RBFOX3: variants seen among roughly 807,000 people sequenced by gnomAD.
RBFOX3 encodes RNA binding fox-1 homolog 3.
A neutral mutation model predicts 48.7 loss-of-function variants in RBFOX3; 17 were observed. The observed-to-expected ratio is 0.35, with a 90% CI of 0.24 to 0.52. The LOEUF is 0.52. Ranked by LOEUF, RBFOX3 falls within the 20% of genes least tolerant of loss-of-function variation. The probability of loss-of-function intolerance (pLI) is 0.94; values close to 1 mark genes in which losing one functional copy is unlikely to be tolerated. For synonymous variants in RBFOX3, 212 were observed against 209.5 expected (o/e 1.01, Z -0.10); for missense variants, 382 against 497.5 (o/e 0.77, Z 2.21).
the RBFOX3 span, among the ~76,000 whole-genome samples, chr17:79,661,723 T>A: frequency 6.6e-6 from 1 of 152,246 alleles, no homozygotes; most frequent in African/African-American, 2.4e-5. Context: ...ACCAGCAATA[T>A]AGGGATGCCC....
intron 2 of RBFOX3, among the ~76,000 whole-genome samples, chr17:79,451,340 AC>A (rs1168604452): frequency 6.6e-6 from 1 of 152,216 alleles, no homozygotes; most frequent in Admixed American, 6.5e-5. Flanking sequence ...GGTGACAATC[AC>A]AGGCAAAGAC....
chr17:79,199,722 T>G lies in RBFOX3; in HGVS notation c.-34+36044A>C, dbSNP rs978056890. 1.3e-5 allele frequency among the ~76,000 whole-genome samples: 2 copies of G among 152,220 alleles called. No individual in the cohort carries two copies. Among genetic ancestry groups the G allele is most frequent in the African/African-American group, 4.8e-5 (2 of 41,456 alleles). The stretch of plus-strand genomic sequence containing the variant: ...CACACATGGCTCCTGGTGACCATAT[T>G]GACACAGATATGACATTGCTGCTGC... On this transcript the variant is annotated intron_variant, in intron 4 of 14. Coordinates refer to ENST00000693108, the MANE Select transcript of RBFOX3 (RefSeq NM_001350451.2). This position sits in a 1 kb window ranked among gnomAD's most constrained non-coding sequence, Gnocchi z 5.1.
intron 2 of RBFOX3, among the ~76,000 whole-genome samples, chr17:79,339,916 G>A (rs1475882239): frequency 3.3e-5 from 5 of 152,188 alleles, no homozygotes; most frequent in Non-Finnish European, 5.9e-5. Context: ...CTGGTGACCA[G>A]GACAAACAGC....
intron 3 of RBFOX3, among the ~76,000 whole-genome samples, chr17:79,296,925 T>C (rs1355312522): frequency 9.2e-6 from 1 of 108,742 alleles, no homozygotes; most frequent in East Asian, 3.3e-4. Flanking sequence ...CCCCTCTCTC[T>C]CCTCCCCCTC....
the RBFOX3 span, among the ~76,000 whole-genome samples, chr17:79,662,540 T>G: frequency 2.0e-5 from 3 of 152,128 alleles, no homozygotes; most frequent in Non-Finnish European, 4.4e-5. Flanking sequence ...CATGTGCCAG[T>G]CATATACACC....
chr17:79,151,146 C>T (rs1243030665), intron 4 of RBFOX3, among the ~76,000 whole-genome samples: 1 of 152,032 alleles, frequency 6.6e-6, no homozygotes, highest in Non-Finnish European at 1.5e-5. Context: ...CCTCGCGCTG[C>T]TCCCCCTACT....
intron 4 of RBFOX3, among the ~76,000 whole-genome samples, chr17:79,181,095 T>C (rs1013778794): frequency 2.0e-5 from 3 of 152,138 alleles, no homozygotes; most frequent in Non-Finnish European, 2.9e-5. Context: ...TTTCGGAGGC[T>C]TGCCTCTACT....
chr17:79,574,867 T>C (rs991310764), intron 1 of RBFOX3, among the ~76,000 whole-genome samples: 13 of 152,334 alleles, frequency 8.5e-5, no homozygotes, highest in Admixed American at 3.3e-4. Context: ...AACTGTCACA[T>C]GTCCCCCAGC....
chr17:79,304,360 A>C (rs1293000803), intron 3 of RBFOX3, among the ~76,000 whole-genome samples: 5 of 151,080 alleles, frequency 3.3e-5, no homozygotes, highest in Non-Finnish European at 7.4e-5. Context: ...ACACACGTAA[A>C]TATATAGGTA....
chr17:79,187,705 A>G (rs972228822), intron 4 of RBFOX3, among the ~76,000 whole-genome samples: 1 of 152,088 alleles, frequency 6.6e-6, no homozygotes, highest in African/African-American at 2.4e-5. Context: ...ACCATGGAAC[A>G]CTTTGCAGGG....
At chr17:79,549,601 G>A (rs1286842178) in intron 1 of RBFOX3, among the ~76,000 whole-genome samples, 1 of 152,224 alleles carries the variant, frequency 6.6e-6, no homozygotes, top group Non-Finnish European at 1.5e-5. Flanking sequence ...GCGGGGCTCT[G>A]GGGACACCCA....
At chr17:79,633,485 G>C in the RBFOX3 span, among the ~76,000 whole-genome samples, 1 of 152,242 alleles carries the variant, frequency 6.6e-6, no homozygotes. Flanking sequence ...GCAGGGCCCT[G>C]GTCTCATGGA....
In RBFOX3 at chr17:79,097,710, C is replaced by G. The variant is rs775017222; in HGVS notation, c.604G>C (p.Gly202Arg). The change falls in exon 10 of 15, where the codon GGG becomes CGG. Residue 202 changes from glycine (G) to arginine (R), a missense_variant. Physicochemically the swap from Gly to Arg is moderately radical, Grantham distance 125. This residue lies in a region of RBFOX3 where 215 missense variants were observed against 254.8 expected (regional missense o/e 0.84). Coordinates refer to ENST00000693108, the MANE Select transcript of RBFOX3 (RefSeq NM_001350451.2). ...CTTTTACCTGCATAGAATTCAGGCC[C>G]GTAGACTGCGCCGACCACTGGATTT... The part of the protein sequence containing the change: ...KLNPVVGAVY[G>R]PEFYAVTGFP... 3.9e-6 allele frequency: 6 copies of G among 1,551,158 alleles called. No individual in the cohort carries two copies. Among genetic ancestry groups the G allele is most frequent in the South Asian group, 2.4e-5 (2 of 84,038 alleles).
intron 1 of RBFOX3, chr17:79,600,688 C>T (rs1282171152): frequency 6.6e-6 from 1 of 152,270 alleles, no homozygotes. Context: ...AGGGGGCTCC[C>T]ACCTCGAAGG....
the RBFOX3 span, among the ~76,000 whole-genome samples, chr17:79,646,172 T>G: frequency 1.3e-5 from 2 of 152,130 alleles, no homozygotes; most frequent in Admixed American, 6.5e-5. Flanking sequence ...AATGTACAAT[T>G]GATTTTTTTC....
chr17:79,134,270 A>G (rs2039659371), intron 4 of RBFOX3, among the ~76,000 whole-genome samples: 1 of 152,284 alleles, frequency 6.6e-6, no homozygotes, highest in African/African-American at 2.4e-5. Flanking sequence ...CGAAGATTAC[A>G]TAATGCGTCC....
chr17:79,286,770 C>G (rs188322273), intron 3 of RBFOX3, among the ~76,000 whole-genome samples: 99 of 152,298 alleles, frequency 6.5e-4, no homozygotes, highest in South Asian at 2.9e-3. Context: ...AACATAGAAG[C>G]TGGAGAGGGA....
At chr17:79,410,963 C>CGGCTG (rs1423668802) in intron 2 of RBFOX3, among the ~76,000 whole-genome samples, 2 of 152,220 alleles carry the variant, frequency 1.3e-5, no homozygotes, top group Non-Finnish European at 2.9e-5. Context: ...CTGCACCACA[C>CGGCTG]GGCTGGGCTG....
chr17:79,559,755 G>A (rs1038019542), intron 1 of RBFOX3, among the ~76,000 whole-genome samples: 203 of 149,564 alleles, frequency 1.4e-3, no homozygotes, highest in African/African-American at 4.7e-3. Flanking sequence ...GTAGATGGAT[G>A]GATGGGTGGA....
Sources: gnomAD v4.1 joint callset for allele counts (sites outside exome capture counted in the v4.1 genomes callset) on GRCh38, gnomAD v4.1.1 for gene constraint, gnomAD v4.1.1 regional missense constraint, Gnocchi (gnomAD v3.1) non-coding constraint, MANE v1.5 for transcripts, NCBI Gene and HGNC (gene_info 2026-07-23, HGNC 2026-07-21) for gene names.